The following ZFHX2 variants were observed in gnomAD, a reference collection of about 807,000 sequenced individuals.
The protein encoded by ZFHX2 is zinc finger homeobox 2.
Under a neutral mutation model 164.8 loss-of-function variants are expected in ZFHX2, and 75 were observed. The observed-to-expected ratio is 0.46, with a 90% CI of 0.38 to 0.55. ZFHX2 has a LOEUF of 0.55. Among genes scored for constraint, ZFHX2 ranks in the 20% least tolerant of loss-of-function variants. The probability of loss-of-function intolerance (pLI) is 0.00; values close to 1 mark genes in which losing one functional copy is unlikely to be tolerated. For synonymous variants in ZFHX2, 1,217 were observed against 1,351.4 expected, an observed-to-expected ratio of 0.90 and a Z score of 2.18; for missense variants, 2,933 against 3,308.0, an observed-to-expected ratio of 0.89 and a Z score of 2.78.
At chr14:23,541,287 A>ATTT (rs34645391) in intron 1 of ZFHX2, among the ~76,000 whole-genome samples, 1 of 130,074 alleles carries the variant, frequency 7.7e-6, no homozygotes, top group Non-Finnish European at 1.6e-5. Context: ...GATGGACAGG[A>ATTT]TTTTTTTTTT....
chr14:23,533,274 C>G lies in ZFHX2; in HGVS notation c.2041+11G>C. ...GGGAGGAGAGAAGAGGGAAGAAGCA[C>G]AGAAGCTTACCGGATGTGGGGAACT... On this transcript the variant is annotated intron_variant, in intron 2 of 9. Transcript: ENST00000419474. This position sits in a 1 kb window ranked among gnomAD's most constrained non-coding sequence, Gnocchi z 4.8. The G allele has an allele frequency of 7.0e-7, 1 of 1,436,194 alleles. No homozygotes were observed. The highest frequency in any genetic ancestry group is 1.5e-5 in the South Asian group (1 of 67,240). 89.0% of individuals were successfully genotyped at this position (1,436,194 alleles called of 1,614,324 possible).
intron 1 of ZFHX2, among the ~76,000 whole-genome samples, chr14:23,547,094 G>A (rs1881470847): frequency 6.6e-6 from 1 of 152,202 alleles, no homozygotes; most frequent in Admixed American, 6.5e-5. Context: ...TGCTCTGAGA[G>A]TTGTGGTGAG....
In ZFHX2 at chr14:23,524,070, C is replaced by T; in HGVS notation, c.5872G>A (p.Ala1958Thr). 6.6e-7 allele frequency: 1 copy of T among 1,521,058 alleles called. No homozygotes were observed. The highest frequency in any genetic ancestry group is 8.8e-7 in the Non-Finnish European group (1 of 1,138,558). 94.2% of individuals were successfully genotyped at this position (1,521,058 alleles called of 1,614,324 possible). A position where few individuals can be genotyped will look rare whatever the true frequency, so the allele number is the denominator to read the frequency against. Residue 1958 changes from alanine (A) to threonine (T), a missense_variant, in exon 9 of 10, where the codon GCC becomes ACC. Transcript: ENST00000419474. This position sits in a 1 kb window ranked among gnomAD's most constrained non-coding sequence, Gnocchi z 5.6. ...AAAGCAGGTGCTTCCCTCTTTGGGG[C>T]TTCCCTCCCAGTGCCATCATCTACC... ...GKVDDGTGREAPKREAPAFPY... is the reference protein window; with the variant it reads ...GKVDDGTGRETPKREAPAFPY...
chr14:23,531,285 C>T (rs1879515700), intron 4 of ZFHX2, 196 bp downstream of exon 4: 2 of 769,006 alleles, frequency 2.6e-6, no homozygotes, highest in Non-Finnish European at 3.6e-6. Flanking sequence ...CTTCTTTGCC[C>T]CTCCACTCAA....
Position 23,533,384 on chromosome 14 carries a change from C to A in ZFHX2, c.1942G>T (p.Ala648Ser), listed in dbSNP as rs1366325035. ...TTGTCTGGCCTCAGCCCCGGGCCAGCCAAGGGAGTCTGAGGCTGCCCTAGG... is the reference window on the plus strand; with the variant it reads ...TTGTCTGGCCTCAGCCCCGGGCCAGACAAGGGAGTCTGAGGCTGCCCTAGG... ...QALGQPQTPL[A>S]GPGLRPDKPL... Residue 648 changes from alanine (A) to serine (S), a missense_variant, in exon 2 of 10, where the codon GCT (alanine) becomes TCT (serine). Coordinates refer to ENST00000419474, the MANE Select transcript of ZFHX2 (RefSeq NM_033400.3). This position sits in a 1 kb window ranked among gnomAD's most constrained non-coding sequence, Gnocchi z 4.8. 2.0e-6 allele frequency: 3 copies of A among 1,469,106 alleles called. No individual in the cohort carries two copies. Among genetic ancestry groups the A allele is most frequent in the Non-Finnish European group, 9.0e-7 (1 of 1,113,120 alleles). The allele number at this position is 1,469,106 out of a possible 1,614,324, so 91.0% of individuals were successfully genotyped here.
chr14:23,536,785 C>T (rs1313453627), intron 1 of ZFHX2, among the ~76,000 whole-genome samples: 1 of 152,178 alleles, frequency 6.6e-6, no homozygotes, highest in Non-Finnish European at 1.5e-5. Flanking sequence ...GACTCCTCCA[C>T]CCAGCTAGAC....
In ZFHX2 at chr14:23,526,874, GCTCTGGCC is replaced by G; in HGVS notation, c.3227_3234del (p.Gly1076AlafsTer13). On this transcript the variant is annotated frameshift_variant, in exon 8 of 10. Coordinates refer to ENST00000419474, the MANE Select transcript of ZFHX2 (RefSeq NM_033400.3). LOFTEE classifies it high-confidence loss of function. ...GCTGCCTGGTCTCTGCTCGGTGTAG[GCTCTGGCC>G]CATGAGTGGGGGGTTCTTGGCCATT... is the stretch of plus-strand genomic sequence containing the variant. 1 of 1,533,846 alleles carries G rather than the reference GCTCTGGCC, an allele frequency of 6.5e-7. No individual in the cohort carries two copies. Among genetic ancestry groups the G allele is most frequent in the Non-Finnish European group, 8.7e-7 (1 of 1,145,896 alleles).
chr14:23,526,785 C>A, intron 8 of ZFHX2, 62 bp downstream of exon 8: 2 of 1,525,474 alleles, frequency 1.3e-6, no homozygotes, highest in South Asian at 1.2e-5. Flanking sequence ...ATCTTCAGAC[C>A]TTGTTGGCCC....
Position 23,523,460 on chromosome 14 carries a change from C to G in ZFHX2, c.6482G>C (p.Cys2161Ser), listed in dbSNP as rs915319230. ...CTGACGGGAAAAGAGATGGCCTCGGCAGGAGACATAGAAATCATACTTGAC... is the reference window on the plus strand; with the variant it reads ...CTGACGGGAAAAGAGATGGCCTCGGGAGGAGACATAGAAATCATACTTGAC... ...CDVKYDFYVSCRGHLFSRQHL... is the reference protein window; with the variant it reads ...CDVKYDFYVSSRGHLFSRQHL... The change falls in exon 9 of 10, where the codon TGC becomes TCC. Residue 2161 changes from cysteine (C) to serine (S), a missense_variant. Physicochemically the swap from Cys to Ser is moderately radical, Grantham distance 112 (BLOSUM62 -1). Coordinates refer to ENST00000419474, the MANE Select transcript of ZFHX2 (RefSeq NM_033400.3). This position sits in a 1 kb window ranked among gnomAD's most constrained non-coding sequence, Gnocchi z 4.1. 80 of 1,535,898 alleles carry G rather than the reference C, an allele frequency of 5.2e-5. No homozygotes were observed. The highest frequency in any genetic ancestry group is 1.4e-4 in the Admixed American group (7 of 50,950).
At position 23,533,749 on chromosome 14, in the gene ZFHX2, T is replaced by A; in HGVS notation, c.1577A>T (p.His526Leu). 6.4e-7 allele frequency: 1 copy of A among 1,556,726 alleles called. No homozygotes were observed. Among genetic ancestry groups the A allele is most frequent in the Non-Finnish European group, 8.6e-7 (1 of 1,157,856 alleles). ...STTTKGNLSIHMQSDKHLANL... is the reference protein window; with the variant it reads ...STTTKGNLSILMQSDKHLANL... ...GGCCAGGTGCTTGTCAGACTGCATA[T>A]GGATGCTGAGGTTGCCTTTGGTGGT... Residue 526 changes from histidine to leucine, a missense_variant, in exon 2 of 10, where the codon CAT (histidine) becomes CTT (leucine). Physicochemically the swap from His to Leu is moderately conservative, Grantham distance 99 (BLOSUM62 -3). Coordinates refer to ENST00000419474, the MANE Select transcript of ZFHX2 (RefSeq NM_033400.3). The surrounding 1 kb of genome is among the most constrained non-coding windows in gnomAD (Gnocchi z 4.8).
In ZFHX2 at chr14:23,531,487, T is replaced by A. The variant is rs1156686040; in HGVS notation, c.2794A>T (p.Thr932Ser). The change falls in exon 4 of 10, where the codon ACT becomes TCT. Residue 932 changes from threonine to serine, a missense_variant. Thr to Ser is a moderately conservative substitution (Grantham distance 58, BLOSUM62 1). Transcript: ENST00000419474. The stretch of plus-strand genomic sequence containing the variant: ...CCAGTCCCTTCTTCCTCACCGGGAG[T>A]CCGGAGCTGCCCGTGGCTGAAGCTC... ...ILSFSHGQLR[T>S]PGKAPVTPLA... 2.1e-5 allele frequency: 30 copies of A among 1,413,884 alleles called. No individual in the cohort carries two copies. The highest frequency in any genetic ancestry group is 7.4e-5 in the Admixed American group (3 of 40,432). 87.6% of individuals were successfully genotyped at this position (1,413,884 alleles called of 1,614,324 possible).
At position 23,534,793 on chromosome 14, in the gene ZFHX2, A is replaced by C; in HGVS notation, c.533T>G (p.Ile178Ser). The change falls in exon 2 of 10, where the codon ATC (isoleucine) becomes AGC (serine). Residue 178 changes from isoleucine to serine, a missense_variant. By Grantham distance (142) the Ile-to-Ser change is moderately radical. Transcript: ENST00000419474. The surrounding 1 kb of genome is among the most constrained non-coding windows in gnomAD (Gnocchi z 4.5). ...ALHIQHGFDP[I>S]QGFSSSDQIL... is the part of the protein sequence containing the mutation. The stretch of plus-strand genomic sequence containing the variant: ...TTGGTCAGAAGAGCTAAAGCCTTGG[A>C]TTGGGTCAAAGCCATGTTGGATGTG... 1.3e-6 allele frequency: 2 copies of C among 1,536,106 alleles called. No homozygotes were observed. Among genetic ancestry groups the C allele is most frequent in the Non-Finnish European group, 1.7e-6 (2 of 1,146,884 alleles).
intron 1 of ZFHX2, among the ~76,000 whole-genome samples, chr14:23,548,049 C>G (rs1233747089): frequency 3.3e-5 from 5 of 152,192 alleles, no homozygotes; most frequent in African/African-American, 1.2e-4. Flanking sequence ...AGTTTACACT[C>G]ACACAGCCCC....
rs1443479757 is a variant in ZFHX2 at position 23,522,044 on chromosome 14, G to A, written c.7637C>T (p.Ala2546Val). Residue 2546 changes from alanine to valine, a missense_variant, in exon 10 of 10, where the codon GCT (alanine) becomes GTT (valine). Transcript: ENST00000419474. ...NAATAASAAVAFAKEEARLPH... is the reference protein window; with the variant it reads ...NAATAASAAVVFAKEEARLPH... ...TAATCTTGCTTCCTCTTTGGCAAAA[G>A]CCACAGCAGCCGAGGCAGCAGTGGC... 1 of 1,536,404 alleles carries A rather than the reference G, an allele frequency of 6.5e-7. No homozygotes were observed. The highest frequency in any genetic ancestry group is 1.2e-5 in the South Asian group (1 of 84,066).
At chr14:23,527,553 C>T in intron 7 of ZFHX2, 51 bp downstream of exon 7, 1 of 1,532,144 alleles carries the variant, frequency 6.5e-7, no homozygotes, top group Non-Finnish European at 8.7e-7. Context: ...TCCCCTCCTG[C>T]ACAGCCCTAA....
chr14:23,521,342 C>G lies in ZFHX2; in HGVS notation c.*620G>C, dbSNP rs1877957174. ...GGTTAGAGTTTTGTGGGCTCCCTGCCCATGCCAGGCTCCAACTTTGGGAGC... is the reference window on the plus strand; with the variant it reads ...GGTTAGAGTTTTGTGGGCTCCCTGCGCATGCCAGGCTCCAACTTTGGGAGC... On this transcript the variant is annotated 3_prime_UTR_variant, in exon 10 of 10. Coordinates refer to ENST00000419474, the MANE Select transcript of ZFHX2 (RefSeq NM_033400.3). 1 of 152,662 alleles carries G rather than the reference C, an allele frequency of 6.6e-6. No individual in the cohort carries two copies. Among genetic ancestry groups the G allele is most frequent in the South Asian group, 2.1e-4 (1 of 4,828 alleles). 9.5% of individuals were successfully genotyped at this position (152,662 alleles called of 1,614,324 possible).
In ZFHX2 at chr14:23,549,942, A is replaced by G. The variant is rs1268982899; in HGVS notation, c.-50+1401T>C. ...GGGTGATCAAGAAGAAAAGGTAGGA[A>G]GAGGGCAGATTATGGGAACAAAGGT... On this transcript the variant is annotated intron_variant, in intron 1 of 9. Transcript: ENST00000419474. Among the ~76,000 whole-genome samples the G allele has an allele frequency of 5.9e-5, 9 of 152,344 alleles. No individual in the cohort carries two copies. The East Asian group carries it at 7.7e-4, about 13-fold the overall frequency.
intron 1 of ZFHX2, among the ~76,000 whole-genome samples, chr14:23,544,664 G>A (rs1392137820): frequency 6.6e-6 from 1 of 152,206 alleles, no homozygotes; most frequent in Non-Finnish European, 1.5e-5. Flanking sequence ...GTTTAGGGTG[G>A]TGGTAATTAC....
chr14:23,530,354 C>T, intron 4 of ZFHX2, 160 bp from the exon 5 acceptor site: 1 of 706,202 alleles, frequency 1.4e-6, no homozygotes, highest in Middle Eastern at 2.3e-4. Context: ...AAAGAAACAC[C>T]CACACAGAAG....
Sources: allele counts gnomAD v4.1 joint callset (sites outside exome capture counted in the v4.1 genomes callset), GRCh38; gene constraint gnomAD v4.1.1; non-coding constraint Gnocchi (gnomAD v3.1); transcripts MANE v1.5; gene names NCBI Gene and HGNC (gene_info 2026-07-23, HGNC 2026-07-21).